The following STK33 variants were observed in gnomAD, a reference collection of about 807,000 sequenced individuals.
STK33 encodes the protein serine/threonine-protein kinase 33.
Under a neutral mutation model 58.0 loss-of-function variants are expected in STK33, and 52 were observed. The ratio of observed to expected loss-of-function variants is 0.90; its 90% CI spans 0.72 to 1.13. The LOEUF (loss-of-function observed/expected upper bound fraction) is 1.13, where lower values mean the gene tolerates loss of function less well. Among genes scored for constraint, STK33 ranks in the 50% most tolerant of loss-of-function variants. The pLI, the probability that STK33 is intolerant of heterozygous loss-of-function variation, is 0.00. For missense variants in STK33, 630 were observed against 604.2 expected (o/e 1.04, Z -0.45); for synonymous variants, 215 against 200.1 (o/e 1.07, Z -0.63).
At chr11:8,550,870 C>T (rs1309146117) in intron 1 of STK33, among the ~76,000 whole-genome samples, 2 of 152,144 alleles carry the variant, frequency 1.3e-5, no homozygotes, top group African/African-American at 4.8e-5. Flanking sequence ...GCCTATTACC[C>T]GGTTCCAAAG....
At chr11:8,479,185 C>A (rs1489797750) in intron 2 of STK33, among the ~76,000 whole-genome samples, 1 of 152,086 alleles carries the variant, frequency 6.6e-6, no homozygotes, top group East Asian at 1.9e-4. Context: ...CAGGCTGAGG[C>A]GGGTGGATCA....
intron 10 of STK33, among the ~76,000 whole-genome samples, chr11:8,453,629 T>G (rs553382925): frequency 1.3e-5 from 2 of 152,224 alleles, no homozygotes; most frequent in Non-Finnish European, 2.9e-5. Flanking sequence ...ATATTCAGTA[T>G]GTGGCTTTGG....
intron 15 of STK33, among the ~76,000 whole-genome samples, chr11:8,410,130 T>A (rs1190099113): frequency 6.6e-6 from 1 of 152,226 alleles, no homozygotes. Flanking sequence ...AAAGCTAAAA[T>A]GTAATTTTCA....
rs796393567 is a variant in STK33 at position 8,434,723 on chromosome 11, A to C, written c.1146+771T>G. 5.5e-4 allele frequency among the ~76,000 whole-genome samples: 84 copies of C among 152,300 alleles called. 1 individual carries two copies. The highest frequency in any genetic ancestry group is 1.9e-3 in the African/African-American group (80 of 41,574). ...CTCACACCTGCATCTACCAGGAAAG[A>C]GGAAGGACATGAGAAATGCCATATC... is the stretch of plus-strand genomic sequence containing the variant. On this transcript the variant is annotated intron_variant, in intron 14 of 15. Transcript: ENST00000687296.
chr11:8,491,554 G>C (rs1237102808), intron 1 of STK33, among the ~76,000 whole-genome samples: 1 of 152,206 alleles, frequency 6.6e-6, no homozygotes, highest in East Asian at 1.9e-4. Flanking sequence ...CCCCAACCTA[G>C]CAAGGCAGGC....
intron 1 of STK33, among the ~76,000 whole-genome samples, chr11:8,483,610 T>C (rs915986696): frequency 6.6e-6 from 1 of 152,122 alleles, no homozygotes; most frequent in East Asian, 1.9e-4. Context: ...CAGCAAGCAA[T>C]TGAAACTCTG....
At chr11:8,440,826 G>GA (rs919196707) in intron 11 of STK33, 73 bp from the exon 12 acceptor site, 17 of 1,416,736 alleles carry the variant, frequency 1.2e-5, no homozygotes, top group Non-Finnish European at 1.5e-5. Context: ...ACACAAGCAT[G>GA]AAAAATGTGC....
the STK33 span, among the ~76,000 whole-genome samples, chr11:8,367,586 G>T: frequency 6.6e-6 from 1 of 152,204 alleles, no homozygotes; most frequent in African/African-American, 2.4e-5. Flanking sequence ...TGGAGTAGTA[G>T]AGAAGGGAAA....
the STK33 span, among the ~76,000 whole-genome samples, chr11:8,368,223 A>G: frequency 6.6e-6 from 1 of 152,164 alleles, no homozygotes; most frequent in East Asian, 1.9e-4. Context: ...ATGGCTATGG[A>G]AAGGACTCCC....
chr11:8,401,605 T>A (rs1425965922), intron 15 of STK33, among the ~76,000 whole-genome samples: 7 of 151,810 alleles, frequency 4.6e-5, no homozygotes, highest in Non-Finnish European at 7.4e-5. Context: ...GCAACAAAAG[T>A]CAAAATTGAC....
chr11:8,501,950 A>G (rs933728103), intron 1 of STK33, among the ~76,000 whole-genome samples: 3 of 152,168 alleles, frequency 2.0e-5, no homozygotes, highest in Non-Finnish European at 4.4e-5. Context: ...CATATATTAT[A>G]TGAGTCTATT....
intron 1 of STK33, among the ~76,000 whole-genome samples, chr11:8,542,168 A>C (rs1955571204): frequency 6.6e-6 from 1 of 152,232 alleles, no homozygotes; most frequent in African/African-American, 2.4e-5. Context: ...AGGATGTCAT[A>C]AATGTTACAG....
the STK33 span, among the ~76,000 whole-genome samples, chr11:8,346,063 G>A: frequency 3.3e-5 from 5 of 152,194 alleles, no homozygotes; most frequent in Non-Finnish European, 7.3e-5. Context: ...CAAACTGAGT[G>A]CCATGAGAAG....
chr11:8,385,748 G>A, the STK33 span, among the ~76,000 whole-genome samples: 1 of 151,684 alleles, frequency 6.6e-6, no homozygotes, highest in Non-Finnish European at 1.5e-5. Flanking sequence ...ACTATTTCTT[G>A]AATGAATGAC....
the STK33 span, among the ~76,000 whole-genome samples, chr11:8,335,002 C>T: frequency 1.3e-5 from 2 of 152,340 alleles, no homozygotes; most frequent in African/African-American, 4.8e-5. Flanking sequence ...GGCTGTAGAT[C>T]TCTGACAGAG....
At chr11:8,357,111 A>C in the STK33 span, among the ~76,000 whole-genome samples, 1 of 152,230 alleles carries the variant, frequency 6.6e-6, no homozygotes, top group African/African-American at 2.4e-5. Context: ...GGCTGTCATC[A>C]GACTCATTGG....
At chr11:8,427,652 C>T (rs1487532385) in intron 14 of STK33, among the ~76,000 whole-genome samples, 1 of 152,120 alleles carries the variant, frequency 6.6e-6, no homozygotes, top group Non-Finnish European at 1.5e-5. Context: ...TTTATCCTCT[C>T]CTGCTCCCTT....
the STK33 span, among the ~76,000 whole-genome samples, chr11:8,348,692 A>C: frequency 6.6e-6 from 1 of 152,194 alleles, no homozygotes; most frequent in African/African-American, 2.4e-5. Context: ...TTAGGAACTT[A>C]GAAAACCTTC....
At chr11:8,535,028 T>A (rs962990669) in intron 1 of STK33, among the ~76,000 whole-genome samples, 1 of 152,140 alleles carries the variant, frequency 6.6e-6, no homozygotes, top group African/African-American at 2.4e-5. Flanking sequence ...TGGAAAGTCA[T>A]CCCTAAGCCT....
Sources: allele counts gnomAD v4.1 joint callset (sites outside exome capture counted in the v4.1 genomes callset), GRCh38; gene constraint gnomAD v4.1.1; transcripts MANE v1.5; gene names NCBI Gene and HGNC (gene_info 2026-07-23, HGNC 2026-07-21).